The following ZNF423 variants were observed in gnomAD, a reference collection of about 807,000 sequenced individuals.
ZNF423 encodes the protein Ebf-associated zinc finger protein.
Under a neutral mutation model 95.8 loss-of-function variants are expected in ZNF423, and 12 were observed. That is an observed-to-expected ratio of 0.13 (90% CI 0.08 to 0.20). The LOEUF (loss-of-function observed/expected upper bound fraction) is 0.20. Ranked by LOEUF, ZNF423 falls within the 10% of genes least tolerant of loss-of-function variation. ZNF423 has a pLI of 1.00. For synonymous variants in ZNF423, 749 were observed against 711.9 expected, an observed-to-expected ratio of 1.05 and a Z score of -0.83; for missense variants, 1,316 against 1,737.1, an observed-to-expected ratio of 0.76 and a Z score of 4.31.
At chr16:49,554,603 A>G (rs1597094931) in intron 5 of ZNF423, among the ~76,000 whole-genome samples, 2 of 151,806 alleles carry the variant, frequency 1.3e-5, no homozygotes, top group African/African-American at 2.4e-5. Context: ...GACTCATTAC[A>G]TTAATAGGCC....
rs779049571 is a variant in ZNF423 at position 49,523,633 on chromosome 16, G to A, written c.3840C>T (p.Thr1280=). The change falls in exon 7 of 8, where the codon ACC becomes ACT. Residue 1280 remains threonine (T), a synonymous_variant. Transcript: ENST00000563137. The stretch of plus-strand genomic sequence containing the variant: ...GGATGTGGGCACCCACCTGCAGCTC[G>A]GTCTGGAAGAAGAACTTCTGAGGGC... ...SQCPQKFFFQ[T]ELQNHTMSQH... is the part of the protein sequence containing the mutation. 3.3e-5 allele frequency: 53 copies of A among 1,613,984 alleles called. No homozygotes were observed. Among genetic ancestry groups the A allele is most frequent in the East Asian group, 1.1e-4 (5 of 44,896 alleles).
At chr16:49,501,152 G>T (rs898832573) in intron 7 of ZNF423, among the ~76,000 whole-genome samples, 4 of 152,174 alleles carry the variant, frequency 2.6e-5, no homozygotes, top group Non-Finnish European at 5.9e-5. Context: ...TGCATGTCTG[G>T]ATGGAGGCCT....
chr16:49,577,143 T>TG (rs924969380), intron 5 of ZNF423, among the ~76,000 whole-genome samples: 4 of 151,790 alleles, frequency 2.6e-5, no homozygotes, highest in South Asian at 2.1e-4. Context: ...CCAGCTGGCG[T>TG]GGGGGGGTGG....
intron 7 of ZNF423, among the ~76,000 whole-genome samples, chr16:49,491,738 T>C (rs1311642626): frequency 6.6e-6 from 1 of 152,082 alleles, no homozygotes; most frequent in East Asian, 1.9e-4. Flanking sequence ...CCTCTCAGTC[T>C]TCCCCGTGGC....
At chr16:49,491,621 CGGGGA>C (rs1232988574) in intron 7 of ZNF423, among the ~76,000 whole-genome samples, 11 of 149,598 alleles carry the variant, frequency 7.4e-5, no homozygotes, top group Non-Finnish European at 1.3e-4. Flanking sequence ...GGGGAAATGC[CGGGGA>C]GGAGGCAGGA....
intron 7 of ZNF423, among the ~76,000 whole-genome samples, chr16:49,496,840 C>A (rs1287828385): frequency 6.6e-6 from 1 of 152,160 alleles, no homozygotes; most frequent in African/African-American, 2.4e-5. Flanking sequence ...GGCAGAGGGA[C>A]TGTTTGCTCC....
chr16:49,704,175 A>T (rs1333048368), intron 3 of ZNF423, among the ~76,000 whole-genome samples: 1 of 152,152 alleles, frequency 6.6e-6, no homozygotes, highest in Non-Finnish European at 1.5e-5. Flanking sequence ...TGCCATAGCC[A>T]GAGGGGGAAC....
At chr16:49,600,861 G>A (rs1018975884) in intron 5 of ZNF423, among the ~76,000 whole-genome samples, 3 of 152,164 alleles carry the variant, frequency 2.0e-5, no homozygotes, top group African/African-American at 7.2e-5. Context: ...CTCAGGAGGG[G>A]CTCCGGCCCG....
intron 5 of ZNF423, among the ~76,000 whole-genome samples, chr16:49,528,092 T>TG (rs1968684420): frequency 1.3e-5 from 2 of 152,114 alleles, no homozygotes; most frequent in South Asian, 4.2e-4. Context: ...CTAGGGGCTC[T>TG]GGGGGCTGAG....
At chr16:49,545,540 C>A (rs72784299) in intron 5 of ZNF423, among the ~76,000 whole-genome samples, 26 of 152,340 alleles carry the variant, frequency 1.7e-4, no homozygotes, top group Admixed American at 1.2e-3. Context: ...CCCACTCTAA[C>A]TGTTCAGCAC....
At chr16:49,514,219 C>CGCACAT in intron 7 of ZNF423, among the ~76,000 whole-genome samples, 1 of 149,332 alleles carries the variant, frequency 6.7e-6, no homozygotes, top group South Asian at 2.1e-4. Context: ...CACATGCACA[C>CGCACAT]GCACATGCGT....
chr16:49,521,254 G>A (rs1968383482), intron 7 of ZNF423, among the ~76,000 whole-genome samples: 1 of 152,218 alleles, frequency 6.6e-6, no homozygotes, highest in Non-Finnish European at 1.5e-5. Context: ...GGACAATGCA[G>A]GCGAGCCAGG....
intron 2 of ZNF423, among the ~76,000 whole-genome samples, chr16:49,775,272 AG>A (rs2034102339): frequency 6.6e-6 from 1 of 152,344 alleles, no homozygotes; most frequent in South Asian, 2.1e-4. Context: ...ATTCCAAGCC[AG>A]GGGGAAAACA....
At chr16:49,615,851 G>T (rs922419942) in intron 5 of ZNF423, among the ~76,000 whole-genome samples, 6 of 152,190 alleles carry the variant, frequency 3.9e-5, no homozygotes, top group Non-Finnish European at 8.8e-5. Context: ...CAAGTGTTCA[G>T]GTCGGTGGGC....
At chr16:49,652,432 A>G (rs1489346208) in intron 3 of ZNF423, among the ~76,000 whole-genome samples, 1 of 151,932 alleles carries the variant, frequency 6.6e-6, no homozygotes. Flanking sequence ...CCTAGTGATC[A>G]ACTCCTGCCA....
intron 7 of ZNF423, among the ~76,000 whole-genome samples, chr16:49,508,880 T>C (rs1160224467): frequency 6.6e-6 from 1 of 152,186 alleles, no homozygotes; most frequent in African/African-American, 2.4e-5. Context: ...CTCCAGTATT[T>C]TATGTATCAC....
At chr16:49,838,197 G>C (rs2035141222) in intron 1 of ZNF423, among the ~76,000 whole-genome samples, 1 of 152,308 alleles carries the variant, frequency 6.6e-6, no homozygotes, top group East Asian at 1.9e-4. Flanking sequence ...CTGCACCCCC[G>C]GGGCCAGGCC....
At chr16:49,642,927 TCTCCTTCCTCATC>T (rs1364211372) in intron 3 of ZNF423, among the ~76,000 whole-genome samples, 1 of 150,938 alleles carries the variant, frequency 6.6e-6, no homozygotes, top group African/African-American at 2.4e-5. Context: ...TTCAAGCAAT[TCTCCTTCCTCATC>T]CTCTCATGTA....
At chr16:49,759,851 C>G (rs191219465) in intron 2 of ZNF423, among the ~76,000 whole-genome samples, 30 of 152,238 alleles carry the variant, frequency 2.0e-4, no homozygotes, top group Admixed American at 1.5e-3. Context: ...ACTAGGGTCC[C>G]TGCTGCACCT....
Sources: gnomAD v4.1 joint callset for allele counts (sites outside exome capture counted in the v4.1 genomes callset) on GRCh38, gnomAD v4.1.1 for gene constraint, MANE v1.5 for transcripts, NCBI Gene and HGNC (gene_info 2026-07-23, HGNC 2026-07-21) for gene names.